Variants in FRMD4A observed in about 807,000 individuals in gnomAD.
FRMD4A encodes FERM domain-containing protein 4A.
FRMD4A carries 29 observed loss-of-function variants against 129.1 expected under a neutral mutation model. The observed-to-expected ratio is 0.22, with a 90% CI of 0.17 to 0.31. The LOEUF (loss-of-function observed/expected upper bound fraction) is 0.31. Among genes scored for constraint, FRMD4A ranks in the 10% least tolerant of loss-of-function variants. The pLI is 1.00. For synonymous variants in FRMD4A, 634 were observed against 571.6 expected, an observed-to-expected ratio of 1.11 and a Z score of -1.56; for missense variants, 1,272 against 1,375.8, an observed-to-expected ratio of 0.92 and a Z score of 1.19.
chr10:14,195,719 T>G (rs538234548), intron 2 of FRMD4A, among the ~76,000 whole-genome samples: 25 of 152,268 alleles, frequency 1.6e-4, no homozygotes, highest in African/African-American at 5.3e-4. Flanking sequence ...GAGACCAAAA[T>G]GAAACCAGCT....
intron 2 of FRMD4A, among the ~76,000 whole-genome samples, chr10:14,123,502 G>C (rs1204434788): frequency 1.3e-5 from 2 of 152,208 alleles, no homozygotes; most frequent in Admixed American, 1.3e-4. Flanking sequence ...AGGAAAACTG[G>C]ATTTCTCTAG....
At chr10:14,086,092 A>G (rs1244208281) in intron 2 of FRMD4A, among the ~76,000 whole-genome samples, 11 of 152,332 alleles carry the variant, frequency 7.2e-5, no homozygotes, top group Non-Finnish European at 4.4e-5. Context: ...TACACATGTA[A>G]CACACATATA....
chr10:13,971,030 C>T (rs753917528), intron 2 of FRMD4A, among the ~76,000 whole-genome samples: 10 of 152,162 alleles, frequency 6.6e-5, no homozygotes, highest in Non-Finnish European at 1.5e-4. Context: ...CTGTCCCACA[C>T]ACCACATTCC....
At chr10:13,857,880 C>T (rs1427329698) in intron 3 of FRMD4A, among the ~76,000 whole-genome samples, 2 of 152,122 alleles carry the variant, frequency 1.3e-5, no homozygotes, top group Admixed American at 6.5e-5. Flanking sequence ...TTCTTTAGAG[C>T]TTTGGGTCAA....
intron 2 of FRMD4A, among the ~76,000 whole-genome samples, chr10:14,249,711 GA>G (rs1844369565): frequency 6.6e-6 from 1 of 152,184 alleles, no homozygotes; most frequent in African/African-American, 2.4e-5. Flanking sequence ...ATTCTTAAGG[GA>G]AAAAACTTGG....
At chr10:13,974,215 T>C (rs985787074) in intron 2 of FRMD4A, among the ~76,000 whole-genome samples, 1 of 152,126 alleles carries the variant, frequency 6.6e-6, no homozygotes, top group Non-Finnish European at 1.5e-5. Flanking sequence ...TAGCTTATGG[T>C]CTGGGAATCT....
intron 2 of FRMD4A, among the ~76,000 whole-genome samples, chr10:14,112,538 T>G (rs990980517): frequency 3.3e-5 from 5 of 152,206 alleles, no homozygotes; most frequent in African/African-American, 9.7e-5. Context: ...CTTTCTTCCT[T>G]TTTTTGAGAT....
chr10:14,039,395 C>CTATCTATCT lies in FRMD4A; in HGVS notation c.46-180484_46-180483insAGATAGATA, dbSNP rs1565204509. Among the ~76,000 whole-genome samples, 56 of 140,886 alleles carry CTATCTATCT rather than the reference C, an allele frequency of 4.0e-4. 1 individual carries two copies. In the East Asian group the frequency reaches 7.5e-3, roughly 19 times the overall value. The allele number at this position is 140,886 out of a possible 152,430, so 92.4% of individuals were successfully genotyped here. On this transcript the variant is annotated intron_variant, in intron 2 of 24. Transcript: ENST00000357447. ...CCATCCATCCATCCATCCATCCATC[C>CTATCTATCT]ATCCATCCATCCATCTATCTATCTA... is the stretch of plus-strand genomic sequence containing the variant.
intron 2 of FRMD4A, among the ~76,000 whole-genome samples, chr10:14,296,187 G>T (rs983928644): frequency 6.6e-6 from 1 of 152,118 alleles, no homozygotes; most frequent in African/African-American, 2.4e-5. Context: ...GCCCTTTATC[G>T]GGTGAGAATA....
In FRMD4A at chr10:13,775,266, A is replaced by G. The variant is rs541125489; in HGVS notation, c.384+7656T>C. 2.6e-5 allele frequency among the ~76,000 whole-genome samples: 4 copies of G among 152,368 alleles called. No homozygotes were observed. The South Asian group carries it at 8.3e-4, about 32-fold the overall frequency. The stretch of plus-strand genomic sequence containing the variant: ...CGAACACAGAGTACAATGGATTTAC[A>G]AAGACCCACATCAGGGCACCCATCC... On this transcript the variant is annotated intron_variant, in intron 6 of 24. Transcript: ENST00000357447.
At chr10:13,698,782 C>T (rs1386620439) in intron 14 of FRMD4A, among the ~76,000 whole-genome samples, 2 of 152,218 alleles carry the variant, frequency 1.3e-5, no homozygotes, top group Non-Finnish European at 2.9e-5. Flanking sequence ...AAAACAGAGG[C>T]CTCCAATTCC....
chr10:13,962,988 T>C (rs955093227), intron 2 of FRMD4A, among the ~76,000 whole-genome samples: 2 of 152,268 alleles, frequency 1.3e-5, no homozygotes, highest in Non-Finnish European at 2.9e-5. Flanking sequence ...TTGCAAATAC[T>C]GTCCACATCA....
intron 9 of FRMD4A, among the ~76,000 whole-genome samples, chr10:13,741,427 G>C (rs913357641): frequency 1.3e-5 from 2 of 151,866 alleles, no homozygotes; most frequent in African/African-American, 4.8e-5. Flanking sequence ...TTCCAGCCTG[G>C]GTGACAGAGT....
chr10:13,684,224 C>T, intron 15 of FRMD4A: 1 of 564,288 alleles, frequency 1.8e-6, no homozygotes, highest in Non-Finnish European at 2.2e-6. Flanking sequence ...TTTCATTGAA[C>T]TAGTTCACTA....
In FRMD4A at chr10:14,285,526, T is replaced by C. The variant is rs145254550; in HGVS notation, c.45+44532A>G. Reference sequence around the variant, plus strand: ...TGGAAAGCAAAATCCTAATATCCCTTGTTGCTCCCAACACTGCAGCTTCAG... The same window carrying C: ...TGGAAAGCAAAATCCTAATATCCCTCGTTGCTCCCAACACTGCAGCTTCAG... On this transcript the variant is annotated intron_variant, in intron 2 of 24. Coordinates refer to ENST00000357447, the MANE Select transcript of FRMD4A (RefSeq NM_018027.5). Among the ~76,000 whole-genome samples, 14 of 152,342 alleles carry C rather than the reference T, an allele frequency of 9.2e-5. No individual in the cohort carries two copies. The East Asian group carries it at 2.5e-3, about 27-fold the overall frequency.
intron 2 of FRMD4A, among the ~76,000 whole-genome samples, chr10:14,114,084 G>A (rs1463665956): frequency 1.3e-5 from 2 of 152,206 alleles, no homozygotes; most frequent in East Asian, 3.8e-4. Flanking sequence ...GCTGCTTTTG[G>A]AAATTTTGTC....
chr10:13,990,037 A>C (rs963808128), intron 2 of FRMD4A, among the ~76,000 whole-genome samples: 61 of 152,266 alleles, frequency 4.0e-4, no homozygotes, highest in African/African-American at 1.4e-3. Flanking sequence ...AGTTTTCTGA[A>C]GTCAGACTAC....
chr10:14,167,538 C>CAAAA (rs59290414), intron 2 of FRMD4A, among the ~76,000 whole-genome samples: 5 of 57,572 alleles, frequency 8.7e-5, no homozygotes, highest in Admixed American at 2.6e-4. Context: ...CTCCGTCTCT[C>CAAAA]AAAAAAAAAA....
intron 2 of FRMD4A, among the ~76,000 whole-genome samples, chr10:14,080,327 A>G (rs1167775028): frequency 1.3e-5 from 2 of 151,854 alleles, no homozygotes; most frequent in Admixed American, 1.3e-4. Flanking sequence ...GGTCTTTATG[A>G]TGTTCTATAT....
Sources: allele counts gnomAD v4.1 joint callset (sites outside exome capture counted in the v4.1 genomes callset), GRCh38; gene constraint gnomAD v4.1.1; transcripts MANE v1.5; gene names NCBI Gene and HGNC (gene_info 2026-07-23, HGNC 2026-07-21).